The following ARHGAP24 variants were observed in gnomAD, a reference collection of about 807,000 sequenced individuals.
The protein encoded by ARHGAP24 is rho GTPase-activating protein 24.
A neutral mutation model predicts 76.4 loss-of-function variants in ARHGAP24; 50 were observed. The ratio of observed to expected loss-of-function variants is 0.65; its 90% CI spans 0.52 to 0.83. ARHGAP24 has a LOEUF of 0.83. ARHGAP24 is among the 40% of genes least tolerant of loss of function. The probability of loss-of-function intolerance (pLI) is 0.00; values close to 1 mark genes in which losing one functional copy is unlikely to be tolerated. For missense variants in ARHGAP24, 930 were observed against 914.2 expected (o/e 1.02, Z -0.22); for synonymous variants, 345 against 323.3 (o/e 1.07, Z -0.72).
At chr4:85,616,502 G>C (rs906775591) in intron 2 of ARHGAP24, among the ~76,000 whole-genome samples, 20 of 152,002 alleles carry the variant, frequency 1.3e-4, no homozygotes, top group African/African-American at 4.1e-4. Flanking sequence ...TCTTCATTTT[G>C]TATAAATTAT....
At chr4:85,587,616 G>A (rs1271039382) in intron 2 of ARHGAP24, among the ~76,000 whole-genome samples, 1 of 151,940 alleles carries the variant, frequency 6.6e-6, no homozygotes, top group East Asian at 1.9e-4. Flanking sequence ...TTTTTCTTTA[G>A]AAGTATACAC....
chr4:85,507,284 C>T (rs888336212), intron 1 of ARHGAP24, among the ~76,000 whole-genome samples: 5 of 151,968 alleles, frequency 3.3e-5, no homozygotes, highest in African/African-American at 1.2e-4. Flanking sequence ...TGCAGTGGTG[C>T]GATCATGGCT....
At chr4:85,851,156 A>G (rs1045459715) in intron 3 of ARHGAP24, among the ~76,000 whole-genome samples, 21 of 152,232 alleles carry the variant, frequency 1.4e-4, no homozygotes, top group Admixed American at 7.8e-4. Context: ...ATATATATTT[A>G]GAATAGTTAG....
chr4:85,879,813 G>A (rs1231565668), intron 3 of ARHGAP24, among the ~76,000 whole-genome samples: 1 of 152,016 alleles, frequency 6.6e-6, no homozygotes, highest in Non-Finnish European at 1.5e-5. Context: ...TGGCACCAGG[G>A]ACCAGTGCCT....
intron 1 of ARHGAP24, among the ~76,000 whole-genome samples, chr4:85,487,492 A>G (rs1342383439): frequency 9.3e-6 from 1 of 107,518 alleles, no homozygotes; most frequent in African/African-American, 3.9e-5. Flanking sequence ...ATATAAACAT[A>G]TATTTATTAC....
intron 1 of ARHGAP24, among the ~76,000 whole-genome samples, chr4:85,563,642 TAAC>T (rs1338022465): frequency 8.5e-5 from 13 of 152,284 alleles, no homozygotes; most frequent in African/African-American, 2.9e-4. Context: ...ATTCAGTCCG[TAAC>T]AACAAGTAAG....
At chr4:85,500,143 G>A (rs1424114509) in intron 1 of ARHGAP24, among the ~76,000 whole-genome samples, 2 of 152,070 alleles carry the variant, frequency 1.3e-5, no homozygotes, top group Non-Finnish European at 2.9e-5. Context: ...TATATTTTGG[G>A]TATGTTGGGT....
chr4:85,859,348 G>A (rs1466957282), intron 3 of ARHGAP24, among the ~76,000 whole-genome samples: 1 of 151,992 alleles, frequency 6.6e-6, no homozygotes, highest in Non-Finnish European at 1.5e-5. Context: ...TCCTTTAGGA[G>A]TTATTTCATA....
At position 85,705,340 on chromosome 4, in the gene ARHGAP24, C is replaced by T. The variant is rs971560473; in HGVS notation, c.181-16545C>T. Among the ~76,000 whole-genome samples the T allele has an allele frequency of 1.6e-4, 24 of 151,962 alleles. No individual in the cohort carries two copies. The South Asian group carries it at 3.7e-3, about 24-fold the overall frequency. ...TTTTGACTCTAACAAGAAAATTTAA[C>T]AAAATATACGAATATACATGTACAA... On this transcript the variant is annotated intron_variant, in intron 2 of 9. Transcript: ENST00000395184.
At chr4:85,961,580 T>C (rs1447369495) in intron 5 of ARHGAP24, among the ~76,000 whole-genome samples, 2 of 152,078 alleles carry the variant, frequency 1.3e-5, no homozygotes, top group African/African-American at 4.8e-5. Flanking sequence ...TCTCTAAACT[T>C]GTGGTGAATA....
At chr4:85,803,673 T>C (rs763506028) in intron 3 of ARHGAP24, among the ~76,000 whole-genome samples, 4 of 152,194 alleles carry the variant, frequency 2.6e-5, no homozygotes, top group African/African-American at 7.2e-5. Flanking sequence ...CCCAGGTTAA[T>C]TAGTTAGGGG....
intron 3 of ARHGAP24, among the ~76,000 whole-genome samples, chr4:85,838,543 G>A (rs563354044): frequency 1.3e-5 from 2 of 152,294 alleles, no homozygotes; most frequent in East Asian, 3.9e-4. Context: ...AGCTGGCAGT[G>A]AGCCGAGATC....
At chr4:85,863,864 T>C (rs1293913526) in intron 3 of ARHGAP24, among the ~76,000 whole-genome samples, 1 of 152,014 alleles carries the variant, frequency 6.6e-6, no homozygotes, top group Non-Finnish European at 1.5e-5. Context: ...AACAGCTTCC[T>C]CAACAAAGGA....
intron 8 of ARHGAP24, among the ~76,000 whole-genome samples, chr4:85,980,823 T>G (rs1218166332): frequency 6.6e-6 from 1 of 152,164 alleles, no homozygotes; most frequent in African/African-American, 2.4e-5. Context: ...CTGTTGCCCT[T>G]TCACTGTGTT....
At chr4:85,711,286 A>G (rs771807018) in intron 2 of ARHGAP24, among the ~76,000 whole-genome samples, 1 of 151,648 alleles carries the variant, frequency 6.6e-6, no homozygotes, top group Non-Finnish European at 1.5e-5. Context: ...AAAAATAACT[A>G]TTGGGTACTA....
chr4:85,700,613 A>G (rs542525788), intron 2 of ARHGAP24, among the ~76,000 whole-genome samples: 11 of 152,168 alleles, frequency 7.2e-5, no homozygotes, highest in African/African-American at 2.6e-4. Context: ...GGTGGTGGTT[A>G]AAGAGCTTAG....
chr4:85,940,698 GC>G (rs1736907754), intron 4 of ARHGAP24, among the ~76,000 whole-genome samples: 1 of 152,044 alleles, frequency 6.6e-6, no homozygotes, highest in Admixed American at 6.6e-5. Context: ...AATCTTTATT[GC>G]CCTTAGAAAA....
intron 3 of ARHGAP24, among the ~76,000 whole-genome samples, chr4:85,873,156 G>A (rs1578327042): frequency 1.3e-5 from 2 of 152,220 alleles, no homozygotes; most frequent in South Asian, 2.1e-4. Flanking sequence ...TTGCAAGTTA[G>A]AGCAGATTTC....
intron 1 of ARHGAP24, among the ~76,000 whole-genome samples, chr4:85,539,791 CTT>C (rs1034953327): frequency 6.6e-6 from 1 of 152,072 alleles, no homozygotes; most frequent in Non-Finnish European, 1.5e-5. Flanking sequence ...AAAATAATGA[CTT>C]TTAAAATGAC....
Sources: allele counts gnomAD v4.1 joint callset (sites outside exome capture counted in the v4.1 genomes callset), GRCh38; gene constraint gnomAD v4.1.1; transcripts MANE v1.5; gene names NCBI Gene and HGNC (gene_info 2026-07-23, HGNC 2026-07-21).